DOCK2: variants seen among roughly 807,000 people sequenced by gnomAD.
The protein encoded by DOCK2 is dedicator of cytokinesis protein 2.
Under a neutral mutation model 248.9 loss-of-function variants are expected in DOCK2, and 87 were observed. That is an observed-to-expected ratio of 0.35 (90% CI 0.29 to 0.42). The LOEUF is 0.42. DOCK2 is among the 10% of genes least tolerant of loss of function. DOCK2 has a pLI of 1.00. For synonymous variants in DOCK2, 805 were observed against 821.6 expected, an observed-to-expected ratio of 0.98 and a Z score of 0.35; for missense variants, 1,747 against 2,300.2, an observed-to-expected ratio of 0.76 and a Z score of 4.92.
chr5:169,978,613 T>C (rs988237729), intron 27 of DOCK2, among the ~76,000 whole-genome samples: 35 of 152,116 alleles, frequency 2.3e-4, no homozygotes, highest in African/African-American at 8.5e-4. Flanking sequence ...ATACTGGGTT[T>C]CTCTTCTTCT....
At chr5:170,025,290 A>C (rs1755863855) in intron 33 of DOCK2, among the ~76,000 whole-genome samples, 1 of 152,234 alleles carries the variant, frequency 6.6e-6, no homozygotes, top group Admixed American at 6.5e-5. Flanking sequence ...TTTGTAAATA[A>C]ACTTTTATTG....
intron 29 of DOCK2, among the ~76,000 whole-genome samples, chr5:169,995,557 C>T (rs1223574845): frequency 6.6e-6 from 1 of 152,194 alleles, no homozygotes; most frequent in Non-Finnish European, 1.5e-5. Flanking sequence ...CATTCATTGG[C>T]CTGAAAGAAG....
In DOCK2 at chr5:169,716,347, T is replaced by C. The variant is rs766478137; in HGVS notation, c.2031+45T>C. ...TGTCTAGTGACAACAGGCATTAATG[T>C]ATGTCTTACTGTGAAAATACTGAGA... On this transcript the variant is annotated intron_variant, in intron 20 of 51. Transcript: ENST00000520908. 1.9e-6 allele frequency: 3 copies of C among 1,584,046 alleles called. No individual in the cohort carries two copies. In the African/African-American group the frequency reaches 4.0e-5, roughly 21 times the overall value.
chr5:170,013,496 GAGTC>G (rs1755388635), intron 32 of DOCK2, among the ~76,000 whole-genome samples: 1 of 152,024 alleles, frequency 6.6e-6, no homozygotes, highest in Non-Finnish European at 1.5e-5. Flanking sequence ...GAGAAAATCA[GAGTC>G]AGAGAGCAAT....
At chr5:170,078,938 A>C (rs773093035) in intron 48 of DOCK2, 37 bp from the exon 49 acceptor site, 43 of 1,608,530 alleles carry the variant, frequency 2.7e-5, no homozygotes, top group Non-Finnish European at 3.6e-5. Context: ...CTGAAGCTCT[A>C]ACTGCAGTTT....
chr5:170,023,429 C>T (rs1755798760), intron 33 of DOCK2, among the ~76,000 whole-genome samples: 1 of 152,138 alleles, frequency 6.6e-6, no homozygotes, highest in African/African-American at 2.4e-5. Context: ...TAAATCTGTA[C>T]TGAGTGCTTG....
intron 25 of DOCK2, 28 bp from the exon 26 acceptor site, chr5:169,803,030 A>G (rs377225515): frequency 1.2e-5 from 20 of 1,609,012 alleles, no homozygotes; most frequent in Non-Finnish European, 1.7e-5. Flanking sequence ...GAGGAATTCT[A>G]CACTACTCTG....
intron 2 of DOCK2, among the ~76,000 whole-genome samples, chr5:169,661,156 A>C (rs1461885013): frequency 6.6e-6 from 1 of 152,120 alleles, no homozygotes; most frequent in Non-Finnish European, 1.5e-5. Flanking sequence ...AGACACTATT[A>C]TTATTCCCAT....
chr5:169,898,815 C>T (rs918209241), intron 27 of DOCK2, among the ~76,000 whole-genome samples: 5 of 152,116 alleles, frequency 3.3e-5, no homozygotes, highest in Admixed American at 3.3e-4. Flanking sequence ...TTTACCCAAA[C>T]AGGTAGCAGG....
intron 23 of DOCK2, among the ~76,000 whole-genome samples, chr5:169,749,299 C>T (rs1163607872): frequency 6.6e-6 from 1 of 152,114 alleles, no homozygotes; most frequent in Admixed American, 6.5e-5. Context: ...GGGAAGAAAC[C>T]AGCATAATCT....
intron 51 of DOCK2, 97 bp downstream of exon 51, chr5:170,082,081 T>C (rs1758054699): frequency 1.3e-6 from 2 of 1,514,416 alleles, no homozygotes; most frequent in South Asian, 1.3e-5. Context: ...TGTGTGCATA[T>C]GTGGTCATTC....
chr5:170,029,931 T>C (rs1756069356), intron 34 of DOCK2, among the ~76,000 whole-genome samples: 1 of 152,218 alleles, frequency 6.6e-6, no homozygotes, highest in Non-Finnish European at 1.5e-5. Flanking sequence ...CCCCTTCCTG[T>C]CACCATGCAT....
intron 23 of DOCK2, among the ~76,000 whole-genome samples, chr5:169,751,555 T>A (rs2113703880): frequency 6.6e-6 from 1 of 152,336 alleles, no homozygotes; most frequent in Admixed American, 6.5e-5. Flanking sequence ...AAACCCTCTT[T>A]TGTGACCAAT....
At chr5:169,902,012 A>G (rs1195295099) in intron 27 of DOCK2, among the ~76,000 whole-genome samples, 2 of 152,164 alleles carry the variant, frequency 1.3e-5, no homozygotes, top group Non-Finnish European at 2.9e-5. Flanking sequence ...GTAAGAGACC[A>G]CCCAGATGCC....
At position 169,758,742 on chromosome 5, in the gene DOCK2, C is replaced by T. The variant is rs545746477; in HGVS notation, c.2377-963C>T. ...ACTAATAAGCTAATCTATTAGCAGT[C>T]TTTGGTACAGCTTCTGCCCTGTTGT... On this transcript the variant is annotated intron_variant, in intron 23 of 51. Coordinates refer to ENST00000520908, the MANE Select transcript of DOCK2 (RefSeq NM_004946.3). Among the ~76,000 whole-genome samples, 53 of 152,286 alleles carry T rather than the reference C, an allele frequency of 3.5e-4. No homozygotes were observed. In the South Asian group the frequency reaches 6.2e-3, roughly 18 times the overall value.
chr5:169,802,974 TA>T, intron 25 of DOCK2, 83 bp from the exon 26 acceptor site: 1 of 1,466,676 alleles, frequency 6.8e-7, no homozygotes, highest in East Asian at 2.3e-5. Flanking sequence ...ACTATTTATT[TA>T]ATGAAACATT....
chr5:169,745,156 CAAAG>C (rs2113681141), intron 22 of DOCK2, among the ~76,000 whole-genome samples: 1 of 152,232 alleles, frequency 6.6e-6, no homozygotes, highest in African/African-American at 2.4e-5. Context: ...GCTGTGGGCA[CAAAG>C]AAAGACAAAC....
intron 27 of DOCK2, among the ~76,000 whole-genome samples, chr5:169,982,501 A>G (rs965935770): frequency 1.3e-5 from 2 of 151,968 alleles, no homozygotes; most frequent in Non-Finnish European, 2.9e-5. Flanking sequence ...TTTTTCTCTC[A>G]TGATTAATCT....
intron 27 of DOCK2, among the ~76,000 whole-genome samples, chr5:169,932,837 T>C (rs564349560): frequency 1.3e-5 from 2 of 152,072 alleles, no homozygotes; most frequent in Admixed American, 1.3e-4. Context: ...AAAAAAGAGA[T>C]GTGATATCAT....
Sources: allele counts gnomAD v4.1 joint callset (sites outside exome capture counted in the v4.1 genomes callset), GRCh38; gene constraint gnomAD v4.1.1; transcripts MANE v1.5; gene names NCBI Gene and HGNC (gene_info 2026-07-23, HGNC 2026-07-21).